Variants in AGPS observed in about 807,000 individuals in gnomAD.
AGPS encodes alkyldihydroxyacetonephosphate synthase, peroxisomal.
Under a neutral mutation model 90.7 loss-of-function variants are expected in AGPS, and 26 were observed. That is an observed-to-expected ratio of 0.29 (90% CI 0.21 to 0.40). The LOEUF is 0.40. AGPS is among the 10% of genes least tolerant of loss of function. The pLI, the probability that AGPS is intolerant of heterozygous loss-of-function variation, is 1.00. For synonymous variants in AGPS, 294 were observed against 285.3 expected (o/e 1.03, Z -0.31); for missense variants, 540 against 816.1 (o/e 0.66, Z 4.12).
chr2:177,422,379 T>C, intron 2 of AGPS, among the ~76,000 whole-genome samples: 1 of 152,192 alleles, frequency 6.6e-6, no homozygotes, highest in South Asian at 2.1e-4. Context: ...ATACAGGCTG[T>C]AATAGAACCA....
At chr2:177,458,697 A>G (rs1169783049) in intron 8 of AGPS, among the ~76,000 whole-genome samples, 1 of 152,252 alleles carries the variant, frequency 6.6e-6, no homozygotes, top group Non-Finnish European at 1.5e-5. Context: ...ATGGAAAAAC[A>G]TTCCATGCTC....
At chr2:177,403,264 A>G (rs1463719284) in intron 1 of AGPS, among the ~76,000 whole-genome samples, 2 of 152,292 alleles carry the variant, frequency 1.3e-5, no homozygotes, top group Admixed American at 6.5e-5. Context: ...ACAACAATGG[A>G]AGGGCAATTT....
At chr2:177,457,395 C>T (rs1687152103) in intron 8 of AGPS, among the ~76,000 whole-genome samples, 1 of 152,034 alleles carries the variant, frequency 6.6e-6, no homozygotes, top group South Asian at 2.1e-4. Flanking sequence ...TCAGTGAATC[C>T]AGGAGCTGTT....
chr2:177,541,959 G>C lies in AGPS; in HGVS notation c.*3764G>C, dbSNP rs910683971. On this transcript the variant is annotated 3_prime_UTR_variant, in exon 20 of 20. Transcript: ENST00000264167. ...CTAAGCCAAACAGTGTTTGTCTTCA[G>C]TGTGAAATTTAACTGTAAAAACTAC... The C allele has an allele frequency of 2.0e-5, 3 of 152,104 alleles. No individual in the cohort carries two copies. Among genetic ancestry groups the C allele is most frequent in the Non-Finnish European group, 4.4e-5 (3 of 68,008 alleles). 9.4% of individuals were successfully genotyped at this position (152,104 alleles called of 1,614,324 possible). A position where few individuals can be genotyped will look rare whatever the true frequency, so the allele number is the denominator to read the frequency against.
At chr2:177,445,967 C>T (rs1396659194) in intron 8 of AGPS, among the ~76,000 whole-genome samples, 5 of 151,920 alleles carry the variant, frequency 3.3e-5, no homozygotes, top group African/African-American at 9.7e-5. Context: ...TAGGTGGGAA[C>T]GAGTTGGGCA....
chr2:177,393,200 G>C, intron 1 of AGPS, 151 bp downstream of exon 1: 2 of 1,538,754 alleles, frequency 1.3e-6, no homozygotes, highest in Non-Finnish European at 1.8e-6. Flanking sequence ...TCTTTCGAGA[G>C]AGTGGACTAG....
intron 15 of AGPS, among the ~76,000 whole-genome samples, chr2:177,505,815 A>G (rs780852842): frequency 4.2e-4 from 64 of 151,960 alleles, no homozygotes; most frequent in Admixed American, 5.9e-4. Flanking sequence ...CTTTAAAAGA[A>G]TGGAGCCTTT....
intron 10 of AGPS, among the ~76,000 whole-genome samples, chr2:177,478,669 C>G (rs1025043825): frequency 6.6e-6 from 1 of 152,026 alleles, no homozygotes; most frequent in African/African-American, 2.4e-5. Flanking sequence ...TTTTCAACTC[C>G]AGAATTTCTA....
At chr2:177,412,964 C>A (rs1217073631) in intron 1 of AGPS, among the ~76,000 whole-genome samples, 2 of 152,116 alleles carry the variant, frequency 1.3e-5, no homozygotes, top group East Asian at 3.9e-4. Context: ...ACAGTGGACA[C>A]CCTGCTGGAT....
intron 8 of AGPS, among the ~76,000 whole-genome samples, chr2:177,459,355 A>C (rs2105662489): frequency 6.6e-6 from 1 of 152,368 alleles, no homozygotes; most frequent in East Asian, 1.9e-4. Flanking sequence ...TCTGCACAGC[A>C]AAAGAAACTA....
At chr2:177,511,611 T>TA (rs1384884722) in intron 16 of AGPS, among the ~76,000 whole-genome samples, 2 of 152,146 alleles carry the variant, frequency 1.3e-5, no homozygotes, top group Non-Finnish European at 1.5e-5. Context: ...TCCAATGATG[T>TA]AAAAAAAGCC....
intron 19 of AGPS, among the ~76,000 whole-genome samples, chr2:177,528,648 T>C (rs1010238358): frequency 8.5e-5 from 13 of 152,174 alleles, no homozygotes; most frequent in African/African-American, 3.1e-4. Context: ...TGAATTAAAT[T>C]TATTGAGGTT....
At chr2:177,451,733 T>C (rs1686959274) in intron 8 of AGPS, among the ~76,000 whole-genome samples, 1 of 152,144 alleles carries the variant, frequency 6.6e-6, no homozygotes, top group South Asian at 2.1e-4. Context: ...GGATGTTGGA[T>C]TTGTGAAAAA....
chr2:177,540,053 A>ATATATATATG lies in AGPS; in HGVS notation c.*1859_*1860insATATATATGT, dbSNP rs886055179. ...GAAGTATATATATATATATATATAT[A>ATATATATATG]TGTATGCATGTGTGTGTGTGTATAT... On this transcript the variant is annotated 3_prime_UTR_variant, in exon 20 of 20. Transcript: ENST00000264167. 4.8e-4 allele frequency: 48 copies of ATATATATATG among 99,030 alleles called. 1 individual carries two copies. The highest frequency in any genetic ancestry group is 1.4e-3 in the African/African-American group (43 of 30,608). 6.1% of individuals were successfully genotyped at this position (99,030 alleles called of 1,614,324 possible).
chr2:177,531,519 A>G (rs1285756333), intron 19 of AGPS, among the ~76,000 whole-genome samples: 1 of 152,206 alleles, frequency 6.6e-6, no homozygotes, highest in Non-Finnish European at 1.5e-5. Flanking sequence ...GAAGAGACAT[A>G]CAGTATTCAT....
chr2:177,541,191 G>A lies in AGPS; in HGVS notation c.*2996G>A, dbSNP rs542980311. On this transcript the variant is annotated 3_prime_UTR_variant, in exon 20 of 20. Transcript: ENST00000264167. ...TTGCAATAAAGGATGAGCTTCCATC[G>A]GTGTGTATGGTATACCAGATACAGA... is the stretch of plus-strand genomic sequence containing the variant. The A allele has an allele frequency of 7.2e-5, 11 of 152,166 alleles. No individual in the cohort carries two copies. In the South Asian group the frequency reaches 1.2e-3, roughly 17 times the overall value. The allele number at this position is 152,166 out of a possible 1,614,324, so 9.4% of individuals were successfully genotyped here.
At chr2:177,473,434 G>A (rs4893953) in intron 10 of AGPS, among the ~76,000 whole-genome samples, 148,900 of 152,294 alleles carry the variant, frequency 0.98, 72,869 homozygotes, top group East Asian at 1. Context: ...TGAAAATTAT[G>A]AAACAGAAAA....
intron 5 of AGPS, among the ~76,000 whole-genome samples, chr2:177,438,462 A>G (rs1340533392): frequency 1.1e-4 from 16 of 152,230 alleles, no homozygotes; most frequent in Admixed American, 1.0e-3. Flanking sequence ...AATATTCTCA[A>G]AAACTCAGAT....
At chr2:177,434,028 T>A (rs935829734) in intron 2 of AGPS, among the ~76,000 whole-genome samples, 1 of 152,200 alleles carries the variant, frequency 6.6e-6, no homozygotes, top group African/African-American at 2.4e-5. Context: ...GGGCCTGCCA[T>A]AAGGCTAAAA....
Sources: allele counts gnomAD v4.1 joint callset (sites outside exome capture counted in the v4.1 genomes callset), GRCh38; gene constraint gnomAD v4.1.1; transcripts MANE v1.5; gene names NCBI Gene and HGNC (gene_info 2026-07-23, HGNC 2026-07-21).